Variants in SAMMSON observed in about 807,000 individuals in gnomAD.
The protein encoded by SAMMSON is survival associated mitochondrial melanoma specific oncogenic non-coding RNA.
intron 4 of SAMMSON, chr3:70,125,304 T>C (rs2067452228): frequency 6.0e-6 from 8 of 1,331,818 alleles, no homozygotes; most frequent in Admixed American, 3.5e-5. Flanking sequence ...CTTCCAAAAA[T>C]ATATTTAAGG....
chr3:70,220,042 T>C (rs1223446617), intron 4 of SAMMSON, among the ~76,000 whole-genome samples: 1 of 152,066 alleles, frequency 6.6e-6, no homozygotes, highest in East Asian at 1.9e-4. Flanking sequence ...AAAGAAAAGA[T>C]TTTTCAAGTA....
Position 70,126,326 on chromosome 3 carries a change from A to G in SAMMSON, n.507+54761A>G, listed in dbSNP as rs1004681990. 5.9e-6 allele frequency: 7 copies of G among 1,191,612 alleles called. No individual in the cohort carries two copies. The Admixed American group carries it at 8.0e-5, about 14-fold the overall frequency. 73.8% of individuals were successfully genotyped at this position (1,191,612 alleles called of 1,614,324 possible). On this transcript the variant is annotated intron_variant and non_coding_transcript_variant, in intron 4 of 9. Coordinates refer to ENST00000642114, the Ensembl canonical transcript of SAMMSON. ...CTTGATCTTGCTCTTTTGCAAATTCAAAGACTAAAGTATGACCTAAAAGTT... is the reference window on the plus strand; with the variant it reads ...CTTGATCTTGCTCTTTTGCAAATTCGAAGACTAAAGTATGACCTAAAAGTT...
intron 7 of SAMMSON, among the ~76,000 whole-genome samples, chr3:70,308,194 G>A (rs570836476): frequency 7.8e-4 from 118 of 152,080 alleles, no homozygotes; most frequent in Middle Eastern, 3.4e-3. Flanking sequence ...GGGACTATAG[G>A]GGTATGCCAT....
intron 6 of SAMMSON, among the ~76,000 whole-genome samples, chr3:70,283,446 G>A (rs1209558270): frequency 6.6e-6 from 1 of 152,104 alleles, no homozygotes; most frequent in African/African-American, 2.4e-5. Flanking sequence ...TGTTCAAAGA[G>A]CAAGGGCCTT....
chr3:70,140,014 A>C (rs2067521711), intron 4 of SAMMSON, among the ~76,000 whole-genome samples: 1 of 152,124 alleles, frequency 6.6e-6, no homozygotes, highest in African/African-American at 2.4e-5. Context: ...TAAATCTTTA[A>C]GTTCTGCTTC....
chr3:70,051,606 T>C (rs1250446596), intron 3 of SAMMSON, among the ~76,000 whole-genome samples: 1 of 151,700 alleles, frequency 6.6e-6, no homozygotes, highest in East Asian at 2.0e-4. Context: ...TTTATTGCTA[T>C]GTGAAAATAA....
intron 6 of SAMMSON, among the ~76,000 whole-genome samples, chr3:70,278,796 T>G (rs1017535221): frequency 2.0e-5 from 3 of 152,198 alleles, no homozygotes; most frequent in Middle Eastern, 3.4e-3. Context: ...GTCACTTATG[T>G]TTCCTATGCC....
chr3:70,250,411 T>TCACACACACACA (rs61355248), intron 6 of SAMMSON, among the ~76,000 whole-genome samples: 7 of 124,906 alleles, frequency 5.6e-5, no homozygotes, highest in South Asian at 7.2e-4. Context: ...TTAATGAATC[T>TCACACACACACA]CACACACACA....
At chr3:70,070,483 T>C (rs907333216) in intron 3 of SAMMSON, 2 of 152,008 alleles carry the variant, frequency 1.3e-5, no homozygotes, top group African/African-American at 2.4e-5. Context: ...GGTATTGTTA[T>C]GTTTAGGGGC....
At chr3:70,255,784 T>C (rs985055387) in intron 6 of SAMMSON, among the ~76,000 whole-genome samples, 1 of 152,194 alleles carries the variant, frequency 6.6e-6, no homozygotes, top group Non-Finnish European at 1.5e-5. Flanking sequence ...CTGCAGCTTA[T>C]GTGCCCTCTG....
intron 6 of SAMMSON, among the ~76,000 whole-genome samples, chr3:70,274,181 G>C (rs561517090): frequency 6.6e-6 from 1 of 151,700 alleles, no homozygotes; most frequent in Non-Finnish European, 1.5e-5. Context: ...TGTGTAGGGG[G>C]TGGGGGATGT....
chr3:70,282,045 G>C (rs757061491), intron 6 of SAMMSON, among the ~76,000 whole-genome samples: 2 of 152,104 alleles, frequency 1.3e-5, no homozygotes, highest in Non-Finnish European at 2.9e-5. Flanking sequence ...CCCTTTGCTT[G>C]TTGCATATAA....
At chr3:70,430,211 T>A (rs1460889646) in intron 2 of SAMMSON, among the ~76,000 whole-genome samples, 1 of 152,204 alleles carries the variant, frequency 6.6e-6, no homozygotes, top group Non-Finnish European at 1.5e-5. Flanking sequence ...CTTTTCTGCA[T>A]CTATTGAGAT....
intron 6 of SAMMSON, chr3:70,283,629 G>C (rs13317022): frequency 6.6e-6 from 1 of 151,882 alleles, no homozygotes; most frequent in Non-Finnish European, 1.5e-5. Flanking sequence ...GCAGATTAAA[G>C]GGATTCATGC....
rs147334099 is a variant in SAMMSON at position 70,219,650 on chromosome 3, G to A, written n.508-29457G>A. 9.3e-3 allele frequency among the ~76,000 whole-genome samples: 1,420 copies of A among 152,282 alleles called. 20 individuals carry two copies. The highest frequency in any genetic ancestry group is 0.032 in the African/African-American group (1,341 of 41,570). On this transcript the variant is annotated intron_variant and non_coding_transcript_variant, in intron 4 of 9. Transcript: ENST00000642114. The stretch of plus-strand genomic sequence containing the variant: ...ACATGTGTGAACCAAGAGAGATACT[G>A]AAGAATTCAAAATTGAAATGACAGA...
At chr3:70,105,802 G>A (rs1403587722) in intron 4 of SAMMSON, among the ~76,000 whole-genome samples, 1 of 152,162 alleles carries the variant, frequency 6.6e-6, no homozygotes, top group Non-Finnish European at 1.5e-5. Flanking sequence ...GGTCTTTTGG[G>A]TCTCTCCTTA....
intron 4 of SAMMSON, among the ~76,000 whole-genome samples, chr3:70,229,866 G>T (rs1701542077): frequency 6.6e-6 from 1 of 152,040 alleles, no homozygotes; most frequent in South Asian, 2.1e-4. Context: ...AATCAGCCTA[G>T]CTAATAACAT....
chr3:70,324,629 A>T (rs1702565985), intron 7 of SAMMSON, among the ~76,000 whole-genome samples: 1 of 152,148 alleles, frequency 6.6e-6, no homozygotes, highest in African/African-American at 2.4e-5. Context: ...TGTAACTTAA[A>T]ATTCCCATTT....
intron 2 of SAMMSON, among the ~76,000 whole-genome samples, chr3:70,427,327 G>A (rs1701378069): frequency 6.6e-6 from 1 of 152,128 alleles, no homozygotes; most frequent in Non-Finnish European, 1.5e-5. Context: ...ACTGATACTT[G>A]TATAGAATTT....
Sources: allele counts gnomAD v4.1 joint callset (sites outside exome capture counted in the v4.1 genomes callset), GRCh38; gene constraint gnomAD v4.1.1; transcripts MANE v1.5; gene names NCBI Gene and HGNC (gene_info 2026-07-23, HGNC 2026-07-21).